Variants in CYP20A1 observed in about 807,000 individuals in gnomAD.
CYP20A1 encodes cytochrome P450 family 20 subfamily A member 1, also known as cytochrome P450 20A1.
In CYP20A1, 61 loss-of-function variants were observed where a neutral mutation model predicts 61.4. That is an observed-to-expected ratio of 0.99 (90% CI 0.81 to 1.23). CYP20A1 has a LOEUF of 1.23. Ranked by LOEUF, CYP20A1 falls within the 50% of genes most tolerant of loss-of-function variation. The pLI, the probability that CYP20A1 is intolerant of heterozygous loss-of-function variation, is 0.00. For missense variants in CYP20A1, 530 were observed against 542.4 expected (o/e 0.98, Z 0.23); for synonymous variants, 193 against 188.2 (o/e 1.03, Z -0.21).
Position 203,304,663 on chromosome 2 carries a change from TGG to T in CYP20A1, c.*7756_*7757del, listed in dbSNP as rs1408099752. ...ATTTTAAACATTTTCCAGCTGGGTG[TGG>T]TGGCTCATGCCTGTAATCCCAACAC... On this transcript the variant is annotated 3_prime_UTR_variant, in exon 13 of 13. Coordinates refer to ENST00000356079, the MANE Select transcript of CYP20A1 (RefSeq NM_177538.3). 6.6e-6 allele frequency among the ~76,000 whole-genome samples: 1 copy of T among 152,096 alleles called. No individual in the cohort carries two copies. Among genetic ancestry groups the T allele is most frequent in the African/African-American group, 2.4e-5 (1 of 41,424 alleles).
chr2:203,280,918 C>G (rs1269467483), intron 8 of CYP20A1, among the ~76,000 whole-genome samples: 1 of 152,146 alleles, frequency 6.6e-6, no homozygotes, highest in Non-Finnish European at 1.5e-5. Context: ...TGACACCTTT[C>G]CAACCAAAAC....
rs1320995827 is a variant in CYP20A1 at position 203,302,546 on chromosome 2, TATAG to T, written c.*5642_*5645del. On this transcript the variant is annotated 3_prime_UTR_variant, in exon 13 of 13. Coordinates refer to ENST00000356079, the MANE Select transcript of CYP20A1 (RefSeq NM_177538.3). ...AAGACCCTGTCTCAAAAGATTCTAA[TATAG>T]ATACTCTTTTTATGCATATGTAATT... 1.3e-5 allele frequency among the ~76,000 whole-genome samples: 2 copies of T among 152,126 alleles called. No individual in the cohort carries two copies. Among genetic ancestry groups the T allele is most frequent in the Non-Finnish European group, 2.9e-5 (2 of 68,024 alleles).
intron 3 of CYP20A1, among the ~76,000 whole-genome samples, chr2:203,248,150 G>C (rs566794575): frequency 6.6e-6 from 1 of 152,018 alleles, no homozygotes; most frequent in African/African-American, 2.4e-5. Flanking sequence ...GCTTGAGTTC[G>C]GGAGGTTGAG....
chr2:203,281,701 T>C (rs1365918608), intron 8 of CYP20A1, among the ~76,000 whole-genome samples: 1 of 151,864 alleles, frequency 6.6e-6, no homozygotes, highest in Non-Finnish European at 1.5e-5. Context: ...CTGAGGAGGC[T>C]GAGGCAAAAG....
intron 1 of CYP20A1, among the ~76,000 whole-genome samples, chr2:203,243,275 C>G (rs1321390098): frequency 1.3e-5 from 2 of 152,012 alleles, no homozygotes; most frequent in African/African-American, 2.4e-5. Flanking sequence ...TCCCGAGAAG[C>G]TGAGAGTACA....
rs34951226 is a variant in CYP20A1 at position 203,303,874 on chromosome 2, CAAAAAA to C, written c.*6981_*6986del. Among the ~76,000 whole-genome samples, 1 of 89,252 alleles carries C rather than the reference CAAAAAA, an allele frequency of 1.1e-5. No homozygotes were observed. Among genetic ancestry groups the C allele is most frequent in the African/African-American group, 5.1e-5 (1 of 19,486 alleles). 58.6% of individuals were successfully genotyped at this position (89,252 alleles called of 152,430 possible). A position where few individuals can be genotyped will look rare whatever the true frequency, so the allele number is the denominator to read the frequency against. ...CTTAGGCAATAAAACAAGACTGTCT[CAAAAAA>C]AAAAAAAAAAAAAACTTATTGAGAG... On this transcript the variant is annotated 3_prime_UTR_variant, in exon 13 of 13. Coordinates refer to ENST00000356079, the MANE Select transcript of CYP20A1 (RefSeq NM_177538.3).
At position 203,304,703 on chromosome 2, in the gene CYP20A1, A is replaced by C. The variant is rs984585270; in HGVS notation, c.*7795A>C. ...GTAATCCCAACACTTGGAGAGGCCAAGTCAGGCTTATTGGGTGAGTCCAGG... is the reference window on the plus strand; with the variant it reads ...GTAATCCCAACACTTGGAGAGGCCACGTCAGGCTTATTGGGTGAGTCCAGG... On this transcript the variant is annotated 3_prime_UTR_variant, in exon 13 of 13. Coordinates refer to ENST00000356079, the MANE Select transcript of CYP20A1 (RefSeq NM_177538.3). Among the ~76,000 whole-genome samples the C allele has an allele frequency of 6.6e-6, 1 of 152,216 alleles. No individual in the cohort carries two copies. The highest frequency in any genetic ancestry group is 2.4e-5 in the African/African-American group (1 of 41,460).
rs999714850 is a variant in CYP20A1 at position 203,304,337 on chromosome 2, A to G, written c.*7429A>G. On this transcript the variant is annotated 3_prime_UTR_variant, in exon 13 of 13. Coordinates refer to ENST00000356079, the MANE Select transcript of CYP20A1 (RefSeq NM_177538.3). ...CTCAGCCTCCCGAGTAGCTGCGACT[A>G]CAGGCGAGTGCCTCCATGCCCAGCT... Among the ~76,000 whole-genome samples, 1 of 152,078 alleles carries G rather than the reference A, an allele frequency of 6.6e-6. No homozygotes were observed. Among genetic ancestry groups the G allele is most frequent in the Non-Finnish European group, 1.5e-5 (1 of 67,994 alleles).
intron 4 of CYP20A1, among the ~76,000 whole-genome samples, chr2:203,254,772 T>G (rs2066833007): frequency 6.6e-6 from 1 of 152,052 alleles, no homozygotes; most frequent in African/African-American, 2.4e-5. Context: ...GTGGATCGTT[T>G]GAGGGCAGGA....
In CYP20A1 at chr2:203,304,802, G is replaced by C. The variant is rs1233317832; in HGVS notation, c.*7894G>C. 2.0e-5 allele frequency among the ~76,000 whole-genome samples: 3 copies of C among 152,038 alleles called. No individual in the cohort carries two copies. Among genetic ancestry groups the C allele is most frequent in the Admixed American group, 2.0e-4 (3 of 15,260 alleles). ...AATACAAAAATTAGCCAGGTGTGCT[G>C]GCGCACACCTGTAGTCCCAACTACT... On this transcript the variant is annotated 3_prime_UTR_variant, in exon 13 of 13. Coordinates refer to ENST00000356079, the MANE Select transcript of CYP20A1 (RefSeq NM_177538.3).
chr2:203,256,453 G>A (rs544100397), intron 4 of CYP20A1, among the ~76,000 whole-genome samples: 3 of 152,102 alleles, frequency 2.0e-5, no homozygotes, highest in African/African-American at 4.8e-5. Context: ...TCTGCCTCCC[G>A]GGTTCAAGCA....
intron 5 of CYP20A1, among the ~76,000 whole-genome samples, chr2:203,268,511 G>A (rs1325012479): frequency 6.6e-6 from 1 of 151,924 alleles, no homozygotes; most frequent in East Asian, 1.9e-4. Context: ...TGGCAAGAAT[G>A]TGATGTTTTC....
chr2:203,280,364 GTGAT>G (rs1458785254), intron 8 of CYP20A1, among the ~76,000 whole-genome samples: 1 of 152,132 alleles, frequency 6.6e-6, no homozygotes, highest in African/African-American at 2.4e-5. Context: ...ACAGTGAACT[GTGAT>G]TGTGCACTCC....
intron 4 of CYP20A1, among the ~76,000 whole-genome samples, chr2:203,264,700 C>A (rs2067258623): frequency 1.2e-5 from 1 of 83,166 alleles, no homozygotes; most frequent in South Asian, 5.5e-4. Flanking sequence ...TTTGAGCTAC[C>A]TCTTTTATAC....
At chr2:203,255,045 A>G (rs764813489) in intron 4 of CYP20A1, among the ~76,000 whole-genome samples, 1 of 152,046 alleles carries the variant, frequency 6.6e-6, no homozygotes, top group Non-Finnish European at 1.5e-5. Context: ...AGAATCTCTA[A>G]TGTCAATTTT....
intron 10 of CYP20A1, among the ~76,000 whole-genome samples, chr2:203,291,624 C>CTCTGTCAAT (rs2068536572): frequency 6.6e-6 from 1 of 151,924 alleles, no homozygotes; most frequent in Admixed American, 6.6e-5. Context: ...AATTATATAG[C>CTCTGTCAAT]AAATAACTTT....
chr2:203,281,475 C>T (rs1317917065), intron 8 of CYP20A1, among the ~76,000 whole-genome samples: 3 of 152,120 alleles, frequency 2.0e-5, no homozygotes, highest in African/African-American at 7.2e-5. Flanking sequence ...CACCACTGGA[C>T]TGCAGCCTGG....
intron 5 of CYP20A1, among the ~76,000 whole-genome samples, chr2:203,269,263 G>A (rs565889992): frequency 1.3e-5 from 2 of 150,456 alleles, no homozygotes; most frequent in East Asian, 2.0e-4. Context: ...GCAACACAGT[G>A]AGACCCCTGT....
intron 11 of CYP20A1, among the ~76,000 whole-genome samples, chr2:203,294,459 G>A (rs1478582360): frequency 6.6e-6 from 1 of 151,804 alleles, no homozygotes; most frequent in African/African-American, 2.4e-5. Context: ...GGTGGAGGTT[G>A]CAGTGAGCCG....
Sources: gnomAD v4.1 joint callset for allele counts (sites outside exome capture counted in the v4.1 genomes callset) on GRCh38, gnomAD v4.1.1 for gene constraint, MANE v1.5 for transcripts, NCBI Gene and HGNC (gene_info 2026-07-23, HGNC 2026-07-21) for gene names.